Variants in CELF2 observed in about 807,000 individuals in gnomAD.
CELF2 encodes the protein CUGBP Elav-like family member 2.
In CELF2, 8 loss-of-function variants were observed where a neutral mutation model predicts 62.6. That is an observed-to-expected ratio of 0.13 (90% confidence interval 0.07 to 0.23). The LOEUF (loss-of-function observed/expected upper bound fraction) is 0.23. Ranked by LOEUF, CELF2 falls within the 10% of genes least tolerant of loss-of-function variation. The pLI is 1.00. For synonymous variants in CELF2, 258 were observed against 250.0 expected, an observed-to-expected ratio of 1.03 and a Z score of -0.30; for missense variants, 333 against 671.0, an observed-to-expected ratio of 0.50 and a Z score of 5.56.
chr10:10,918,308 T>C (rs1013960536), intron 1 of CELF2, among the ~76,000 whole-genome samples: 2 of 152,204 alleles, frequency 1.3e-5, no homozygotes, highest in Admixed American at 6.5e-5. Context: ...ACTAAATTCT[T>C]CAAAGACATG....
In CELF2 at chr10:11,335,843, G is replaced by C. The variant is rs2096110258; in HGVS notation, c.*6790G>C. On this transcript the variant is annotated 3_prime_UTR_variant, in exon 13 of 13. Transcript: ENST00000633077. This position sits in a 1 kb window ranked among gnomAD's most constrained non-coding sequence, Gnocchi z 5.0. ...GCACAAGACAAAATACTCATGCTAA[G>C]CAAAGGAAGAGAAAGACAAAGCCAG... 1 of 152,180 alleles carries C rather than the reference G, an allele frequency of 6.6e-6. No homozygotes were observed. The highest frequency in any genetic ancestry group is 2.4e-5 in the African/African-American group (1 of 41,438). The allele number at this position is 152,180 out of a possible 1,614,324, so 9.4% of individuals were successfully genotyped here.
chr10:10,792,250 T>C, the CELF2 span: 1 of 396,254 alleles, frequency 2.5e-6, no homozygotes, highest in East Asian at 3.6e-5. Flanking sequence ...CCACCTTGAA[T>C]TACATTAACA....
chr10:11,318,886 TG>T lies in CELF2; in HGVS notation c.1097-2300del. 2.1e-6 allele frequency: 1 copy of T among 471,124 alleles called. No homozygotes were observed. Among genetic ancestry groups the T allele is most frequent in the Non-Finnish European group, 4.4e-6 (1 of 227,030 alleles). 29.2% of individuals were successfully genotyped at this position (471,124 alleles called of 1,614,324 possible). ...TGCACATCGCAGGAAGGATCCCCCG[TG>T]GGTCTCACATGACAGGGCCTGAAAA... is the stretch of plus-strand genomic sequence containing the variant. On this transcript the variant is annotated intron_variant, in intron 10 of 12. Transcript: ENST00000633077. The surrounding 1 kb of genome is among the most constrained non-coding windows in gnomAD (Gnocchi z 5.4).
intron 2 of CELF2, chr10:11,168,983 C>T (rs2068035217): frequency 6.6e-6 from 1 of 152,114 alleles, no homozygotes; most frequent in South Asian, 2.1e-4. Context: ...TGAGCAATAC[C>T]ACAGAGAGTT....
At chr10:10,640,489 T>C in the CELF2 span, among the ~76,000 whole-genome samples, 5 of 152,180 alleles carry the variant, frequency 3.3e-5, no homozygotes, top group African/African-American at 1.2e-4. Context: ...CAGGTGAGAT[T>C]TGGATCTTTG....
At chr10:11,263,249 C>T (rs896134801) in intron 5 of CELF2, among the ~76,000 whole-genome samples, 1 of 151,820 alleles carries the variant, frequency 6.6e-6, no homozygotes, top group African/African-American at 2.4e-5. Flanking sequence ...GTTAGCAATT[C>T]GTAACATTCT....
chr10:10,790,304 T>C, the CELF2 span, among the ~76,000 whole-genome samples: 199 of 152,236 alleles, frequency 1.3e-3, 2 homozygotes, highest in African/African-American at 4.7e-3. Flanking sequence ...CCTACTATAA[T>C]TATTGTTGTC....
the CELF2 span, among the ~76,000 whole-genome samples, chr10:10,489,047 C>T: frequency 6.6e-6 from 1 of 152,070 alleles, no homozygotes; most frequent in Non-Finnish European, 1.5e-5. Context: ...AATGTAATTT[C>T]AGCGAATGCG....
intron 1 of CELF2, among the ~76,000 whole-genome samples, chr10:11,118,931 G>A (rs2057143880): frequency 6.6e-6 from 1 of 152,198 alleles, no homozygotes; most frequent in Non-Finnish European, 1.5e-5. Flanking sequence ...TCTGTGAAAT[G>A]AGGATGGAGG....
chr10:10,896,878 A>G (rs2062592380), intron 1 of CELF2, among the ~76,000 whole-genome samples: 3 of 152,188 alleles, frequency 2.0e-5, no homozygotes. Flanking sequence ...CTGAAGTTGA[A>G]CAATTGTAAG....
intron 1 of CELF2, 117 bp downstream of exon 1, chr10:11,018,280 C>T (rs2057645649): frequency 1.0e-5 from 8 of 781,444 alleles, no homozygotes; most frequent in Admixed American, 4.3e-5. Flanking sequence ...GCTTCGGATC[C>T]GTCGCCTCCC....
At chr10:10,907,200 C>T (rs998507647) in intron 1 of CELF2, among the ~76,000 whole-genome samples, 11 of 151,952 alleles carry the variant, frequency 7.2e-5, no homozygotes, top group Admixed American at 2.6e-4. Context: ...ATTTAAATAC[C>T]GAAACCTTTA....
rs1466475250 is a variant in CELF2 at position 11,270,903 on chromosome 10, C to T, written c.777+79C>T. On this transcript the variant is annotated intron_variant, in intron 7 of 12. Coordinates refer to ENST00000633077, the MANE Select transcript of CELF2 (RefSeq NM_001326342.2). This position sits in a 1 kb window ranked among gnomAD's most constrained non-coding sequence, Gnocchi z 5.8. ...GACTTTTCCCCTCCCTACGCTGAGG[C>T]ATTTGTTTTCAGTACATTTTCAATC... 1.6e-6 allele frequency: 2 copies of T among 1,220,882 alleles called. No homozygotes were observed. The highest frequency in any genetic ancestry group is 2.1e-6 in the Non-Finnish European group (2 of 933,562). 75.6% of individuals were successfully genotyped at this position (1,220,882 alleles called of 1,614,324 possible). A position where few individuals can be genotyped will look rare whatever the true frequency, so the allele number is the denominator to read the frequency against.
chr10:10,916,804 G>T (rs1040503887), intron 1 of CELF2, among the ~76,000 whole-genome samples: 2 of 152,000 alleles, frequency 1.3e-5, no homozygotes, highest in Non-Finnish European at 2.9e-5. Context: ...GTACAGATGG[G>T]GTTTTACCAC....
chr10:11,208,798 G>T (rs968513249), intron 2 of CELF2, among the ~76,000 whole-genome samples: 5 of 152,148 alleles, frequency 3.3e-5, no homozygotes, highest in Non-Finnish European at 7.4e-5. Flanking sequence ...GGGAGGCTGG[G>T]ACTGAGAGAC....
At chr10:10,593,148 G>C in the CELF2 span, among the ~76,000 whole-genome samples, 1 of 152,140 alleles carries the variant, frequency 6.6e-6, no homozygotes, top group Non-Finnish European at 1.5e-5. Flanking sequence ...GGAGTGGAGA[G>C]ACATGATGGT....
At chr10:11,083,884 G>C (rs2074697337) in intron 1 of CELF2, among the ~76,000 whole-genome samples, 1 of 152,198 alleles carries the variant, frequency 6.6e-6, no homozygotes, top group Non-Finnish European at 1.5e-5. Flanking sequence ...AACCAAGGCT[G>C]ACATGTACTG....
At chr10:10,910,061 T>C (rs2063678106) in intron 1 of CELF2, among the ~76,000 whole-genome samples, 1 of 152,204 alleles carries the variant, frequency 6.6e-6, no homozygotes. Context: ...GATCCAGAAA[T>C]TATCAAGAGT....
the CELF2 span, among the ~76,000 whole-genome samples, chr10:10,775,990 T>A: frequency 6.6e-6 from 1 of 152,242 alleles, no homozygotes; most frequent in Admixed American, 6.5e-5. Flanking sequence ...GCCTGCCCAA[T>A]GTGTTTACAA....
Sources: allele counts gnomAD v4.1 joint callset (sites outside exome capture counted in the v4.1 genomes callset), GRCh38; gene constraint gnomAD v4.1.1; non-coding constraint Gnocchi (gnomAD v3.1); transcripts MANE v1.5; gene names NCBI Gene and HGNC (gene_info 2026-07-23, HGNC 2026-07-21).